The following PUM2 variants were observed in gnomAD, a reference collection of about 807,000 sequenced individuals.
PUM2 encodes pumilio RNA binding family member 2.
PUM2 carries 57 observed loss-of-function variants against 124.5 expected under a neutral mutation model. The observed-to-expected ratio is 0.46, with a 90% confidence interval of 0.37 to 0.57. The LOEUF (loss-of-function observed/expected upper bound fraction) is 0.57. Among genes scored for constraint, PUM2 ranks in the 20% least tolerant of loss-of-function variants. The pLI is 0.00. For synonymous variants in PUM2, 460 were observed against 446.1 expected (o/e 1.03, Z -0.39); for missense variants, 1,065 against 1,290.6 (o/e 0.83, Z 2.68).
In PUM2 at chr2:20,315,362, G is replaced by A. The variant is rs530509762; in HGVS notation, c.161-2939C>T. On this transcript the variant is annotated intron_variant, in intron 3 of 20. Transcript: ENST00000361078. ...TGAGAGGAAGTATGTCAAGTCTCCT[G>A]CAGTCATGGAAAGAGACTCTCTTAG... Among the ~76,000 whole-genome samples the A allele has an allele frequency of 4.6e-5, 7 of 152,254 alleles. No individual in the cohort carries two copies. In the East Asian group the frequency reaches 7.7e-4, roughly 17 times the overall value.
intron 2 of PUM2, 60 bp downstream of exon 2, chr2:20,327,249 AT>A: frequency 1.4e-5 from 17 of 1,228,888 alleles, no homozygotes; most frequent in Admixed American, 1.0e-4. Context: ...AAAAAAAAAA[AT>A]AAGTTACAAT....
In PUM2 at chr2:20,282,968, G is replaced by C. The variant is rs1230353315; in HGVS notation, c.1699C>G (p.Leu567Val). 6.2e-7 allele frequency: 1 copy of C among 1,613,882 alleles called. No homozygotes were observed. Among genetic ancestry groups the C allele is most frequent in the South Asian group, 1.1e-5 (1 of 91,066 alleles). ...NSLGAAIGSALSGFGSSVGSS... is the reference protein window; with the variant it reads ...NSLGAAIGSAVSGFGSSVGSS... ...TTACCTGATGAACCAAATCCACTGA[G>C]GGCTGAGCCTATAGCAGCACCCAAA... is the stretch of plus-strand genomic sequence containing the variant. Residue 567 changes from leucine to valine, a missense_variant, in exon 12 of 21, where the codon CTC (leucine) becomes GTC (valine). Leu to Val is a conservative substitution (Grantham distance 32). This residue lies in a region of PUM2 where 968 missense variants were observed against 1,159.8 expected (regional missense o/e 0.83). Transcript: ENST00000361078.
At chr2:20,331,287 C>T (rs72493374) in intron 1 of PUM2, among the ~76,000 whole-genome samples, 3 of 51,768 alleles carry the variant, frequency 5.8e-5, no homozygotes, top group Non-Finnish European at 8.5e-5. Flanking sequence ...AGTTACTAAA[C>T]GTTACCAATG....
chr2:20,286,169 C>G (rs981203574), intron 10 of PUM2, among the ~76,000 whole-genome samples: 2 of 152,088 alleles, frequency 1.3e-5, no homozygotes, highest in Non-Finnish European at 2.9e-5. Context: ...TTCTTACACC[C>G]AAGTTACTAT....
chr2:20,290,461 CA>C (rs1673771414), intron 10 of PUM2, among the ~76,000 whole-genome samples, 190 bp downstream of exon 10: 1 of 7,586 alleles, frequency 1.3e-4, no homozygotes, highest in Admixed American at 1.6e-3. Context: ...CGTTGAGTCT[CA>C]ATTTACCATT....
rs1017278841 is a variant in PUM2, at chr2:20,249,414, T to C, written c.*2171A>G. 6.6e-6 allele frequency: 1 copy of C among 152,576 alleles called. No homozygotes were observed. The highest frequency in any genetic ancestry group is 2.4e-5 in the African/African-American group (1 of 41,432). The allele number at this position is 152,576 out of a possible 1,614,324, so 9.5% of individuals were successfully genotyped here. A position where few individuals can be genotyped will look rare whatever the true frequency, so the allele number is the denominator to read the frequency against. ...AAAAAAATGAAACAAACACAAGGCG[T>C]TGCTGCAGTGACTGGGACATGCTGA... On this transcript the variant is annotated 3_prime_UTR_variant, in exon 21 of 21. Coordinates refer to ENST00000361078, the MANE Select transcript of PUM2 (RefSeq NM_015317.5).
intron 1 of PUM2, among the ~76,000 whole-genome samples, chr2:20,343,723 C>T (rs1490858656): frequency 6.6e-6 from 1 of 152,108 alleles, no homozygotes; most frequent in Non-Finnish European, 1.5e-5. Context: ...GCAACAAATT[C>T]GAGACTAGCC....
At chr2:20,289,099 G>A (rs776685760) in intron 10 of PUM2, among the ~76,000 whole-genome samples, 39 of 151,974 alleles carry the variant, frequency 2.6e-4, no homozygotes, top group Middle Eastern at 6.8e-3. Context: ...AAGACCAGCC[G>A]GCCAATATGG....
rs1445950906 is a variant in PUM2, at chr2:20,263,300, G to T, written c.2118C>A (p.Gly706=). Residue 706 remains glycine (G), a synonymous_variant, in exon 14 of 21, where the codon GGC becomes GGA. Transcript: ENST00000361078. ...TGAAATCTTCCAATAATCTACTGCG[G>T]CCAGAAGGCATAATATCAGACCTAT... The part of the protein sequence containing the change: ...RYNRSDIMPS[G]RSRLLEDFRN... The T allele has an allele frequency of 6.2e-7, 1 of 1,613,944 alleles. No homozygotes were observed. The highest frequency in any genetic ancestry group is 1.7e-5 in the Admixed American group (1 of 60,024).
intron 13 of PUM2, among the ~76,000 whole-genome samples, chr2:20,276,994 C>G (rs1670416761): frequency 6.6e-6 from 1 of 152,000 alleles, no homozygotes; most frequent in South Asian, 2.1e-4. Context: ...GGTAGAGAAG[C>G]ACATATCTAG....
intron 3 of PUM2, among the ~76,000 whole-genome samples, chr2:20,315,053 T>A (rs1572882920): frequency 7.9e-6 from 1 of 125,976 alleles, no homozygotes; most frequent in East Asian, 2.5e-4. Context: ...CCAAAGGAAG[T>A]GTGCTTCTTT....
intron 1 of PUM2, among the ~76,000 whole-genome samples, chr2:20,338,141 A>G (rs1686502988): frequency 6.6e-6 from 1 of 152,216 alleles, no homozygotes; most frequent in South Asian, 2.1e-4. Flanking sequence ...TCACGCCTGT[A>G]ATCCCAGCAC....
At chr2:20,281,141 C>G (rs1671418958) in intron 12 of PUM2, among the ~76,000 whole-genome samples, 1 of 152,032 alleles carries the variant, frequency 6.6e-6, no homozygotes. Flanking sequence ...ACAAAATGCC[C>G]AAGAGGAGAG....
chr2:20,253,422 T>C (rs1663958487), intron 20 of PUM2, among the ~76,000 whole-genome samples: 1 of 152,152 alleles, frequency 6.6e-6, no homozygotes, highest in Non-Finnish European at 1.5e-5. Context: ...AGACTGGTCT[T>C]GAACTCCTGG....
At chr2:20,267,015 C>A (rs1667814192) in intron 13 of PUM2, among the ~76,000 whole-genome samples, 1 of 150,780 alleles carries the variant, frequency 6.6e-6, no homozygotes, top group South Asian at 2.1e-4. Context: ...TAAGGGACAT[C>A]ATGCCTGTAA....
In PUM2 at chr2:20,317,348, AT is replaced by A. The variant is rs370217908; in HGVS notation, c.160+1188del. On this transcript the variant is annotated intron_variant, in intron 3 of 20. Coordinates refer to ENST00000361078, the MANE Select transcript of PUM2 (RefSeq NM_015317.5). ...CTACTTATGAAGTTGAAATCAAAAC[AT>A]TTAAAGATCTGCTCCCTTTCTGGGA... 3.2e-4 allele frequency among the ~76,000 whole-genome samples: 49 copies of A among 152,280 alleles called. No individual in the cohort carries two copies. In the South Asian group the frequency reaches 9.9e-3, roughly 31 times the overall value.
chr2:20,275,935 A>AT (rs1670127520), intron 13 of PUM2, among the ~76,000 whole-genome samples: 1 of 152,132 alleles, frequency 6.6e-6, no homozygotes, highest in South Asian at 2.1e-4. Context: ...CAATTGTTAA[A>AT]GACATTTAAG....
intron 8 of PUM2, among the ~76,000 whole-genome samples, chr2:20,295,492 C>T (rs936053245): frequency 1.3e-5 from 2 of 151,574 alleles, no homozygotes; most frequent in Non-Finnish European, 2.9e-5. Flanking sequence ...GTAAGCTGAA[C>T]CTGAAATGAG....
Position 20,276,214 on chromosome 2 carries a change from A to C in PUM2, c.1957+2369T>G, listed in dbSNP as rs530263902. ...AAAAGTGATTACTAGTCATCCTGCT[A>C]AAAATACATGTGTTGGTTATAAGCC... On this transcript the variant is annotated intron_variant, in intron 13 of 20. Transcript: ENST00000361078. 2.0e-4 allele frequency among the ~76,000 whole-genome samples: 30 copies of C among 152,124 alleles called. No individual in the cohort carries two copies. In the South Asian group the frequency reaches 6.0e-3, roughly 31 times the overall value.
Sources: gnomAD v4.1 joint callset for allele counts (sites outside exome capture counted in the v4.1 genomes callset) on GRCh38, gnomAD v4.1.1 for gene constraint, gnomAD v4.1.1 regional missense constraint, MANE v1.5 for transcripts, NCBI Gene and HGNC (gene_info 2026-07-23, HGNC 2026-07-21) for gene names.